CNTNAP2: variants seen among roughly 807,000 people sequenced by gnomAD.
CNTNAP2 encodes the protein contactin-associated protein-like 2.
A neutral mutation model predicts 155.2 loss-of-function variants in CNTNAP2; 98 were observed. The observed-to-expected ratio is 0.63, with a 90% CI of 0.54 to 0.75. The LOEUF (loss-of-function observed/expected upper bound fraction) is 0.75, where lower values mean the gene tolerates loss of function less well. Ranked by LOEUF, CNTNAP2 falls within the 30% of genes least tolerant of loss-of-function variation. The probability of loss-of-function intolerance (pLI) is 0.00; values close to 1 mark genes in which losing one functional copy is unlikely to be tolerated. For missense variants in CNTNAP2, 1,727 were observed against 1,688.1 expected (o/e 1.02, Z -0.40); for synonymous variants, 651 against 631.2 (o/e 1.03, Z -0.47).
intron 3 of CNTNAP2, among the ~76,000 whole-genome samples, chr7:147,012,080 T>G (rs2129243968): frequency 6.6e-6 from 1 of 152,300 alleles, no homozygotes; most frequent in East Asian, 1.9e-4. Flanking sequence ...CATAATGAAA[T>G]ATATTTGTGA....
intron 1 of CNTNAP2, among the ~76,000 whole-genome samples, chr7:146,326,194 T>C (rs1181842708): frequency 1.3e-5 from 2 of 152,102 alleles, no homozygotes; most frequent in Non-Finnish European, 2.9e-5. Context: ...ACACATGCAC[T>C]CTCACACACA....
At chr7:147,611,011 A>T (rs1348882799) in intron 12 of CNTNAP2, among the ~76,000 whole-genome samples, 1 of 152,106 alleles carries the variant, frequency 6.6e-6, no homozygotes, top group Non-Finnish European at 1.5e-5. Flanking sequence ...GAGTGCTGGG[A>T]TTACAAGCAT....
At chr7:146,919,512 T>A (rs867452699) in intron 3 of CNTNAP2, among the ~76,000 whole-genome samples, 2 of 152,150 alleles carry the variant, frequency 1.3e-5, no homozygotes, top group Non-Finnish European at 2.9e-5. Context: ...CTGGAGAGTA[T>A]CTGCAAACAG....
At chr7:146,606,749 T>C (rs1403840809) in intron 1 of CNTNAP2, among the ~76,000 whole-genome samples, 2 of 152,222 alleles carry the variant, frequency 1.3e-5, no homozygotes, top group Non-Finnish European at 2.9e-5. Context: ...GAAATTATCA[T>C]TTAAAGCAAA....
At chr7:147,512,485 T>C (rs1176544504) in intron 11 of CNTNAP2, among the ~76,000 whole-genome samples, 1 of 152,222 alleles carries the variant, frequency 6.6e-6, no homozygotes, top group Non-Finnish European at 1.5e-5. Flanking sequence ...TATTCCAGAA[T>C]CTAGCCATAT....
chr7:146,496,411 A>G (rs1797215698), intron 1 of CNTNAP2, among the ~76,000 whole-genome samples: 1 of 152,230 alleles, frequency 6.6e-6, no homozygotes, highest in South Asian at 2.1e-4. Context: ...GATGATAAAT[A>G]CATTGAATTT....
intron 3 of CNTNAP2, among the ~76,000 whole-genome samples, chr7:146,920,776 G>C (rs976719264): frequency 3.3e-5 from 5 of 152,166 alleles, no homozygotes; most frequent in Non-Finnish European, 5.9e-5. Flanking sequence ...TGCCTTTGCA[G>C]ACTAAATTTT....
chr7:146,672,871 A>G (rs914176256), intron 1 of CNTNAP2, among the ~76,000 whole-genome samples: 2 of 152,160 alleles, frequency 1.3e-5, no homozygotes, highest in South Asian at 2.1e-4. Context: ...TCATGTTTCT[A>G]TAAGATAGGA....
chr7:146,347,392 T>C (rs1385618968), intron 1 of CNTNAP2, among the ~76,000 whole-genome samples: 1 of 152,114 alleles, frequency 6.6e-6, no homozygotes, highest in East Asian at 1.9e-4. Flanking sequence ...GAGACCAGAA[T>C]CATAGGTTAC....
chr7:147,633,181 A>G (rs1795117897), intron 12 of CNTNAP2, among the ~76,000 whole-genome samples: 1 of 152,228 alleles, frequency 6.6e-6, no homozygotes, highest in Admixed American at 6.5e-5. Context: ...AAAAGGGGTC[A>G]AGGAACAGCT....
At chr7:146,544,121 A>G (rs543946980) in intron 1 of CNTNAP2, among the ~76,000 whole-genome samples, 1 of 152,012 alleles carries the variant, frequency 6.6e-6, no homozygotes, top group Non-Finnish European at 1.5e-5. Context: ...ATTCTGAGTG[A>G]TAATTTAGTA....
chr7:147,190,258 A>T (rs951048744), intron 8 of CNTNAP2, among the ~76,000 whole-genome samples: 1 of 152,154 alleles, frequency 6.6e-6, no homozygotes, highest in Non-Finnish European at 1.5e-5. Flanking sequence ...TTGTGGTGTA[A>T]TTAAATTTAA....
chr7:148,392,803 G>A (rs187896097), intron 22 of CNTNAP2, among the ~76,000 whole-genome samples: 8 of 152,298 alleles, frequency 5.3e-5, no homozygotes, highest in African/African-American at 1.9e-4. Context: ...TCTTAGGCAC[G>A]TGGGTCTTCT....
intron 1 of CNTNAP2, among the ~76,000 whole-genome samples, chr7:146,755,671 A>G (rs933941330): frequency 5.3e-5 from 8 of 152,028 alleles, no homozygotes; most frequent in Non-Finnish European, 1.2e-4. Context: ...TAGCAAACAA[A>G]TAATTCAAAC....
chr7:147,946,895 G>T (rs1922884), intron 14 of CNTNAP2, among the ~76,000 whole-genome samples: 34,201 of 152,126 alleles, frequency 0.22, 5,130 homozygotes, highest in East Asian at 0.55. Flanking sequence ...CATGCTTAGG[G>T]ACAGGGGAAT....
intron 8 of CNTNAP2, among the ~76,000 whole-genome samples, chr7:147,178,827 A>G (rs1802400753): frequency 6.6e-6 from 1 of 152,106 alleles, no homozygotes; most frequent in Admixed American, 6.6e-5. Context: ...AAAAACAAAA[A>G]CCGTTGATTA....
At chr7:147,621,126 T>G (rs995867837) in intron 12 of CNTNAP2, among the ~76,000 whole-genome samples, 2 of 152,136 alleles carry the variant, frequency 1.3e-5, no homozygotes, top group African/African-American at 4.8e-5. Context: ...AAATAGTATA[T>G]CTGGTGATGA....
chr7:147,282,663 A>G (rs552552158), intron 8 of CNTNAP2, among the ~76,000 whole-genome samples: 1 of 151,942 alleles, frequency 6.6e-6, no homozygotes, highest in Admixed American at 6.6e-5. Context: ...GCTTAATTTT[A>G]TATTATGTAT....
chr7:147,682,735 G>T (rs1028065087), intron 13 of CNTNAP2, among the ~76,000 whole-genome samples: 2 of 151,888 alleles, frequency 1.3e-5, no homozygotes, highest in Non-Finnish European at 2.9e-5. Context: ...GCCTCATTAT[G>T]CAAAGTGGGG....
Sources: gnomAD v4.1 joint callset for allele counts (sites outside exome capture counted in the v4.1 genomes callset) on GRCh38, gnomAD v4.1.1 for gene constraint, MANE v1.5 for transcripts, NCBI Gene and HGNC (gene_info 2026-07-23, HGNC 2026-07-21) for gene names.